Variants in ARHGAP32 observed in about 807,000 individuals in gnomAD.
ARHGAP32 encodes rho GTPase-activating protein 32.
A neutral mutation model predicts 186.5 loss-of-function variants in ARHGAP32; 51 were observed. The observed-to-expected ratio is 0.27, with a 90% confidence interval of 0.22 to 0.35. ARHGAP32 has a LOEUF of 0.35. ARHGAP32 is among the 10% of genes least tolerant of loss of function. The pLI is 1.00. For synonymous variants in ARHGAP32, 950 were observed against 964.3 expected (o/e 0.99, Z 0.27); for missense variants, 2,186 against 2,623.5 (o/e 0.83, Z 3.64).
chr11:129,242,124 A>AT (rs1445217383), intron 1 of ARHGAP32, among the ~76,000 whole-genome samples: 1 of 152,174 alleles, frequency 6.6e-6, no homozygotes, highest in African/African-American at 2.4e-5. Context: ...AGGAATGTTT[A>AT]TTATTATAAT....
In ARHGAP32 at chr11:129,173,450, T is replaced by A. The variant is rs138335612; in HGVS notation, c.117-9023A>T. On this transcript the variant is annotated intron_variant, in intron 1 of 22. Transcript: ENST00000682385. ...CTCCAAACAATTAAAAAGGAGGGAC[T>A]CCTCCCTAACTCATTTTATGAAGCC... Among the ~76,000 whole-genome samples the A allele has an allele frequency of 4.2e-3, 645 of 152,138 alleles. 11 individuals are homozygous for A. Among genetic ancestry groups the A allele is most frequent in the African/African-American group, 0.015 (616 of 41,512 alleles).
intron 6 of ARHGAP32, among the ~76,000 whole-genome samples, chr11:129,077,544 C>T (rs767797605): frequency 3.9e-5 from 6 of 152,064 alleles, no homozygotes; most frequent in Non-Finnish European, 8.8e-5. Flanking sequence ...ACTTCCCTAG[C>T]GACCTGTATG....
At chr11:129,047,158 GGTTT>G (rs1939845554) in intron 10 of ARHGAP32, among the ~76,000 whole-genome samples, 1 of 151,548 alleles carries the variant, frequency 6.6e-6, no homozygotes, top group African/African-American at 2.4e-5. Flanking sequence ...CTCTTCTATT[GGTTT>G]ATTTATTTAA....
At position 128,968,126 on chromosome 11, in the gene ARHGAP32, T is replaced by C. The variant is rs1457056994; in HGVS notation, c.*781A>G. The C allele has an allele frequency of 1.3e-5, 2 of 152,062 alleles. No individual in the cohort carries two copies. The highest frequency in any genetic ancestry group is 4.8e-5 in the African/African-American group (2 of 41,378). The allele number at this position is 152,062 out of a possible 1,614,324, so 9.4% of individuals were successfully genotyped here. ...AGTTCACTGACAATAAGAACTTTAC[T>C]TTCTTCCACCTAAAGAAGTTTCCTT... is the stretch of plus-strand genomic sequence containing the variant. On this transcript the variant is annotated 3_prime_UTR_variant, in exon 23 of 23. Transcript: ENST00000682385.
At chr11:129,221,491 G>C (rs1944709671) in intron 1 of ARHGAP32, among the ~76,000 whole-genome samples, 4 of 59,730 alleles carry the variant, frequency 6.7e-5, no homozygotes, top group Non-Finnish European at 1.6e-4. Context: ...GTGTGTGTGT[G>C]TGTGTGTGTG....
chr11:129,033,445 G>A (rs184971607), intron 11 of ARHGAP32, among the ~76,000 whole-genome samples: 1 of 152,138 alleles, frequency 6.6e-6, no homozygotes, highest in East Asian at 1.9e-4. Context: ...AATTATTCTG[G>A]TTAAGTATGT....
chr11:129,140,017 A>G (rs1297780713), intron 2 of ARHGAP32, among the ~76,000 whole-genome samples: 1 of 152,152 alleles, frequency 6.6e-6, no homozygotes, highest in Non-Finnish European at 1.5e-5. Context: ...AGGTCAGTCG[A>G]TCTTAAAATA....
chr11:128,967,107 A>G lies in ARHGAP32; in HGVS notation c.*1800T>C, dbSNP rs1846587217. 6.6e-6 allele frequency: 1 copy of G among 152,228 alleles called. No individual in the cohort carries two copies. The highest frequency in any genetic ancestry group is 1.5e-5 in the Non-Finnish European group (1 of 68,044). 9.4% of individuals were successfully genotyped at this position (152,228 alleles called of 1,614,324 possible). A position where few individuals can be genotyped will look rare whatever the true frequency, so the allele number is the denominator to read the frequency against. ...CTCCAATGAATTCTAAGGGAACAAA[A>G]GAAAACCTTATAGAATATTTCCACA... On this transcript the variant is annotated 3_prime_UTR_variant, in exon 23 of 23. Transcript: ENST00000682385.
chr11:129,166,913 A>C (rs1012270011), intron 1 of ARHGAP32, among the ~76,000 whole-genome samples: 4 of 152,296 alleles, frequency 2.6e-5, no homozygotes, highest in African/African-American at 4.8e-5. Context: ...AGAAATGTAC[A>C]TTCAGTCAAA....
exon 1 of ARHGAP32, chr11:129,279,311 G>A (rs1233574935): frequency 2.1e-5 from 3 of 144,208 alleles, no homozygotes; most frequent in Non-Finnish European, 4.6e-5. Flanking sequence ...GCAGCCGCGG[G>A]GGCTCGGCCG....
chr11:129,007,755 T>C (rs1051174127), intron 11 of ARHGAP32, among the ~76,000 whole-genome samples: 1 of 152,050 alleles, frequency 6.6e-6, no homozygotes, highest in African/African-American at 2.4e-5. Context: ...GCCCCTCAAG[T>C]CCATTGGCTC....
At chr11:129,219,511 T>C (rs1944686692) in intron 1 of ARHGAP32, among the ~76,000 whole-genome samples, 1 of 152,168 alleles carries the variant, frequency 6.6e-6, no homozygotes, top group Non-Finnish European at 1.5e-5. Flanking sequence ...TCATGCAATT[T>C]ATGCTTCACA....
chr11:129,179,736 C>T (rs879100061), intron 1 of ARHGAP32, among the ~76,000 whole-genome samples: 1 of 149,324 alleles, frequency 6.7e-6, no homozygotes, highest in Non-Finnish European at 1.5e-5. Context: ...TAGGTGGGAA[C>T]TGAACAATGA....
chr11:129,127,621 C>T (rs1423617576), intron 2 of ARHGAP32, among the ~76,000 whole-genome samples: 1 of 129,422 alleles, frequency 7.7e-6, no homozygotes, highest in Non-Finnish European at 1.6e-5. Flanking sequence ...CTAATATTTT[C>T]ACCTACATAT....
intron 2 of ARHGAP32, among the ~76,000 whole-genome samples, chr11:129,146,428 G>A (rs1230615151): frequency 6.6e-6 from 1 of 151,996 alleles, no homozygotes; most frequent in Non-Finnish European, 1.5e-5. Context: ...TATCCACATT[G>A]TATATGCTAC....
chr11:129,268,937 G>A (rs1413061432), intron 1 of ARHGAP32, among the ~76,000 whole-genome samples: 1 of 152,144 alleles, frequency 6.6e-6, no homozygotes, highest in Non-Finnish European at 1.5e-5. Context: ...CCTAGACAAA[G>A]CCCTCACCCC....
At chr11:129,178,581 G>C (rs1389365034) in intron 1 of ARHGAP32, among the ~76,000 whole-genome samples, 2 of 151,702 alleles carry the variant, frequency 1.3e-5, no homozygotes, top group South Asian at 2.1e-4. Context: ...CATGGTACTG[G>C]TACCAAAACA....
At chr11:129,000,918 TG>T (rs1483906782) in intron 11 of ARHGAP32, among the ~76,000 whole-genome samples, 2 of 152,204 alleles carry the variant, frequency 1.3e-5, no homozygotes, top group African/African-American at 4.8e-5. Context: ...CTTAATATAA[TG>T]GTGTCCAGTT....
chr11:129,159,983 A>G (rs1352748154), intron 2 of ARHGAP32, among the ~76,000 whole-genome samples: 2 of 152,174 alleles, frequency 1.3e-5, no homozygotes, highest in Non-Finnish European at 2.9e-5. Flanking sequence ...AATGACATAA[A>G]CAGAACTAAT....
Sources: allele counts gnomAD v4.1 joint callset (sites outside exome capture counted in the v4.1 genomes callset), GRCh38; gene constraint gnomAD v4.1.1; transcripts MANE v1.5; gene names NCBI Gene and HGNC (gene_info 2026-07-23, HGNC 2026-07-21).